MRC2: variants seen among roughly 807,000 people sequenced by gnomAD.
MRC2 encodes the protein mannose receptor C-type 2, also known as C-type mannose receptor 2.
A neutral mutation model predicts 206.2 loss-of-function variants in MRC2; 84 were observed. That is an observed-to-expected ratio of 0.41 (90% CI 0.34 to 0.49). The LOEUF (loss-of-function observed/expected upper bound fraction) is 0.49. Ranked by LOEUF, MRC2 falls within the 20% of genes least tolerant of loss-of-function variation. The pLI is 0.31. For missense variants in MRC2, 1,676 were observed against 2,001.5 expected, an observed-to-expected ratio of 0.84 and a Z score of 3.10; for synonymous variants, 798 against 800.0, an observed-to-expected ratio of 1.00 and a Z score of 0.04.
At chr17:62,656,686 T>A in intron 1 of MRC2, among the ~76,000 whole-genome samples, 1 of 151,686 alleles carries the variant, frequency 6.6e-6, no homozygotes, top group East Asian at 1.9e-4. Flanking sequence ...TCAGAGGAGG[T>A]CCTAGAGCAG....
At chr17:62,668,634 ATGG>A (rs1238676527) in intron 6 of MRC2, among the ~76,000 whole-genome samples, 1 of 152,220 alleles carries the variant, frequency 6.6e-6, no homozygotes, top group Admixed American at 6.5e-5. Flanking sequence ...CTTAAAGGGC[ATGG>A]TGAAGAAGAG....
intron 1 of MRC2, among the ~76,000 whole-genome samples, chr17:62,663,778 A>C (rs552192065): frequency 1.3e-5 from 2 of 152,260 alleles, no homozygotes; most frequent in Admixed American, 6.5e-5. Context: ...TGCAAGGGGC[A>C]GGGGGAAGGG....
intron 1 of MRC2, among the ~76,000 whole-genome samples, chr17:62,636,778 GT>G (rs1300663708): frequency 6.6e-6 from 1 of 152,028 alleles, no homozygotes; most frequent in East Asian, 1.9e-4. Flanking sequence ...GCCTGTCGTT[GT>G]TTTTTAACTA....
intron 1 of MRC2, among the ~76,000 whole-genome samples, chr17:62,629,922 G>C (rs953359840): frequency 6.6e-6 from 1 of 152,218 alleles, no homozygotes; most frequent in Non-Finnish European, 1.5e-5. Context: ...GGGGAGCCCT[G>C]TGTGCCCAGA....
At chr17:62,636,236 G>A (rs1232195332) in intron 1 of MRC2, among the ~76,000 whole-genome samples, 6 of 136,454 alleles carry the variant, frequency 4.4e-5, no homozygotes, top group Non-Finnish European at 9.4e-5. Flanking sequence ...GGGCAACAGA[G>A]TGAGACCCTG....
chr17:62,677,376 C>CTGGG lies in MRC2; in HGVS notation c.1943_1946dup (p.Thr650GlyfsTer36), dbSNP rs769028873. The CTGGG allele has an allele frequency of 3.7e-6, 6 of 1,610,672 alleles. No homozygotes were observed. The highest frequency in any genetic ancestry group is 5.1e-6 in the Non-Finnish European group (6 of 1,179,126). ...GGCCCGCTACATCTGCCGGCAGAGCCTGGGCACTCCAGTGACGCCGGAGCT... is the reference window on the plus strand; with the variant it reads ...GGCCCGCTACATCTGCCGGCAGAGCCTGGGTGGGCACTCCAGTGACGCCGGAGCT... On this transcript the variant is annotated frameshift_variant, in exon 12 of 30. Coordinates refer to ENST00000303375, the MANE Select transcript of MRC2 (RefSeq NM_006039.5). LOFTEE classifies it high-confidence loss of function.
At chr17:62,628,014 C>G in intron 1 of MRC2, 94 bp downstream of exon 1, 2 of 825,510 alleles carry the variant, frequency 2.4e-6, no homozygotes, top group South Asian at 4.9e-5. Context: ...TTTCCCCCCT[C>G]TTTTCTCCAG....
intron 20 of MRC2, among the ~76,000 whole-genome samples, chr17:62,683,547 A>G (rs2088997083): frequency 6.8e-6 from 1 of 147,842 alleles, no homozygotes; most frequent in Non-Finnish European, 1.5e-5. Context: ...GTGGTATGAA[A>G]ACATTTTTTT....
At chr17:62,638,629 T>C (rs2088357345) in intron 1 of MRC2, among the ~76,000 whole-genome samples, 1 of 151,436 alleles carries the variant, frequency 6.6e-6, no homozygotes, top group African/African-American at 2.4e-5. Context: ...TCCCAGCTGC[T>C]TAGGAGAGTG....
At position 62,677,247 on chromosome 17, in the gene MRC2, GTC is replaced by G; in HGVS notation, c.1835-19_1835-18del. On this transcript the variant is annotated intron_variant, in intron 11 of 29. Coordinates refer to ENST00000303375, the MANE Select transcript of MRC2 (RefSeq NM_006039.5). ...ACTATGAATCCTTCTCAGAGCCTGG[GTC>G]TCCCTTCCCTCTCCTTCAGGGTACA... The G allele has an allele frequency of 6.5e-7, 1 of 1,549,808 alleles. No homozygotes were observed. The highest frequency in any genetic ancestry group is 8.8e-7 in the Non-Finnish European group (1 of 1,141,642).
chr17:62,641,877 A>C (rs375725097), intron 1 of MRC2, among the ~76,000 whole-genome samples: 14 of 143,328 alleles, frequency 9.8e-5, no homozygotes, highest in African/African-American at 3.4e-4. Context: ...ATTTTGCCAC[A>C]TTTGCTTATC....
At position 62,688,917 on chromosome 17, in the gene MRC2, C is replaced by T. The variant is rs1598998627; in HGVS notation, c.3291C>T (p.Ser1097=). The T allele has an allele frequency of 1.2e-6, 2 of 1,613,888 alleles. No individual in the cohort carries two copies. Among genetic ancestry groups the T allele is most frequent in the Non-Finnish European group, 1.7e-6 (2 of 1,180,024 alleles). ...TCACTGGCCGCTGGGACGATCGGAG[C>T]TGCACGGAGGAGACCCATGGCTTCA... The part of the protein sequence containing the change: ...AHFTGRWDDR[S]CTEETHGFIC... Residue 1097 remains serine (S), a synonymous_variant, in exon 23 of 30, where the codon AGC becomes AGT. Transcript: ENST00000303375.
chr17:62,633,551 A>G (rs2088272749), intron 1 of MRC2, among the ~76,000 whole-genome samples: 1 of 151,268 alleles, frequency 6.6e-6, no homozygotes. Flanking sequence ...AGGTTCCCAA[A>G]TATGATAAAA....
chr17:62,659,230 C>A (rs1241762812), intron 1 of MRC2, among the ~76,000 whole-genome samples: 2 of 152,144 alleles, frequency 1.3e-5, no homozygotes, highest in African/African-American at 2.4e-5. Context: ...CTAATGCCAT[C>A]ACCATGGGGG....
chr17:62,690,113 C>G (rs371879314), intron 25 of MRC2, 43 bp from the exon 26 acceptor site: 1 of 1,581,350 alleles, frequency 6.3e-7, no homozygotes, highest in Admixed American at 1.7e-5. Flanking sequence ...TCGGTGGCCC[C>G]GGGGAGGGTG....
At position 62,691,041 on chromosome 17, in the gene MRC2, T is replaced by C; in HGVS notation, c.4105T>C (p.Cys1369Arg). ...LGPSMLSHNS[C>R]YWIQSNSGLW... The stretch of plus-strand genomic sequence containing the variant: ...CCCCAGCATGCTGAGCCACAACAGC[T>C]GCTACTGGATTCAGAGCAACAGCGG... The change falls in exon 28 of 30, where the codon TGC becomes CGC. Residue 1369 changes from cysteine to arginine, a missense_variant. Cys to Arg is a radical substitution (Grantham distance 180). This residue lies in a region of MRC2 where 1,354 missense variants were observed against 1,636.6 expected (regional missense o/e 0.83). Transcript: ENST00000303375. 5.0e-6 allele frequency: 8 copies of C among 1,610,112 alleles called. No individual in the cohort carries two copies. The highest frequency in any genetic ancestry group is 6.8e-6 in the Non-Finnish European group (8 of 1,179,018).
In MRC2 at chr17:62,671,857, C is replaced by T. The variant is rs1055241349; in HGVS notation, c.1306+20C>T. The T allele has an allele frequency of 1.4e-5, 22 of 1,586,754 alleles. No homozygotes were observed. Among genetic ancestry groups the T allele is most frequent in the Non-Finnish European group, 1.8e-5 (21 of 1,163,024 alleles). On this transcript the variant is annotated intron_variant, in intron 7 of 29. Transcript: ENST00000303375. This position sits in a 1 kb window ranked among gnomAD's most constrained non-coding sequence, Gnocchi z 4.5. ...AGCAAGGTGAGGAGCTGCCCGCCCA[C>T]GTGTCTGGGTGGAGGGCAGGGCCTC...
In MRC2 at chr17:62,689,876, A is replaced by G. The variant is rs747304178; in HGVS notation, c.3574-18A>G. 3.3e-5 allele frequency: 52 copies of G among 1,572,502 alleles called. No homozygotes were observed. Among genetic ancestry groups the G allele is most frequent in the Non-Finnish European group, 4.0e-5 (46 of 1,160,478 alleles). ...CTGACTATTCCCTTCCTCCCACCCC[A>G]TGGCCCCCCATGCCCAGGGCTCTCG... On this transcript the variant is annotated intron_variant, in intron 24 of 29. Coordinates refer to ENST00000303375, the MANE Select transcript of MRC2 (RefSeq NM_006039.5).
In MRC2 at chr17:62,678,666, C is replaced by T. The variant is rs757276841; in HGVS notation, c.2195+20C>T. The T allele has an allele frequency of 9.4e-6, 15 of 1,603,648 alleles. No homozygotes were observed. Among genetic ancestry groups the T allele is most frequent in the East Asian group, 2.3e-5 (1 of 44,076 alleles). On this transcript the variant is annotated intron_variant, in intron 13 of 29. Coordinates refer to ENST00000303375, the MANE Select transcript of MRC2 (RefSeq NM_006039.5). Reference sequence around the variant, plus strand: ...CTTCGGGTACTGAGCCGGGCTGAGGCGTGTTAGGAGGGCACCCGCACACGT... The same window carrying T: ...CTTCGGGTACTGAGCCGGGCTGAGGTGTGTTAGGAGGGCACCCGCACACGT...
Sources: allele counts gnomAD v4.1 joint callset (sites outside exome capture counted in the v4.1 genomes callset), GRCh38; gene constraint gnomAD v4.1.1; regional missense constraint gnomAD v4.1.1; non-coding constraint Gnocchi (gnomAD v3.1); transcripts MANE v1.5; gene names NCBI Gene and HGNC (gene_info 2026-07-23, HGNC 2026-07-21).